Variants in GPRIN3 observed in about 807,000 individuals in gnomAD.
GPRIN3 encodes the protein GPRIN family member 3.
In GPRIN3, 12 loss-of-function variants were observed where a neutral mutation model predicts 13.7. The observed-to-expected ratio is 0.87, with a 90% confidence interval of 0.56 to 1.42. GPRIN3 has a LOEUF of 1.42. Ranked by LOEUF, GPRIN3 falls within the 40% of genes most tolerant of loss-of-function variation. GPRIN3 has a pLI of 0.00. For missense variants in GPRIN3, 1,009 were observed against 958.7 expected (o/e 1.05, Z -0.69); for synonymous variants, 377 against 372.7 (o/e 1.01, Z -0.13).
At chr4:89,286,312 A>T (rs566207289) in intron 1 of GPRIN3, among the ~76,000 whole-genome samples, 1 of 152,266 alleles carries the variant, frequency 6.6e-6, no homozygotes, top group Non-Finnish European at 1.5e-5. Flanking sequence ...TACAGATGGT[A>T]TCAGGTGGAT....
chr4:89,251,863 G>C (rs1022706175), intron 1 of GPRIN3, among the ~76,000 whole-genome samples: 2 of 152,114 alleles, frequency 1.3e-5, no homozygotes, highest in Admixed American at 1.3e-4. Flanking sequence ...GATAAGTTGG[G>C]GACAGAGAGG....
intron 1 of GPRIN3, among the ~76,000 whole-genome samples, chr4:89,278,412 T>A (rs1424983605): frequency 6.6e-6 from 1 of 152,226 alleles, no homozygotes. Flanking sequence ...CATATTTAAA[T>A]TCTCCTTCTT....
Position 89,246,790 on chromosome 4 carries a change from T to C in GPRIN3, c.*990A>G, listed in dbSNP as rs1341075897. 6.6e-6 allele frequency: 1 copy of C among 152,180 alleles called. No homozygotes were observed. Among genetic ancestry groups the C allele is most frequent in the East Asian group, 1.9e-4 (1 of 5,196 alleles). 9.4% of individuals were successfully genotyped at this position (152,180 alleles called of 1,614,324 possible). A position where few individuals can be genotyped will look rare whatever the true frequency, so the allele number is the denominator to read the frequency against. On this transcript the variant is annotated 3_prime_UTR_variant, in exon 2 of 2. Coordinates refer to ENST00000609438, the MANE Select transcript of GPRIN3 (RefSeq NM_198281.3). ...TGTTTACAGGAGTCTAAATTAAACA[T>C]TGTTTTTGTTACTTATGAGGCTTTT...
chr4:89,275,946 T>G (rs947794782), intron 1 of GPRIN3, among the ~76,000 whole-genome samples: 1 of 152,204 alleles, frequency 6.6e-6, no homozygotes, highest in African/African-American at 2.4e-5. Flanking sequence ...TAATGAATAA[T>G]GCCTACAATT....
At chr4:89,284,788 T>G (rs1266603437) in intron 1 of GPRIN3, among the ~76,000 whole-genome samples, 2 of 152,158 alleles carry the variant, frequency 1.3e-5, no homozygotes, top group Non-Finnish European at 2.9e-5. Context: ...CTGCCTTAAT[T>G]ATTCTTGGAC....
intron 1 of GPRIN3, among the ~76,000 whole-genome samples, chr4:89,253,450 G>T (rs1013567919): frequency 6.6e-6 from 1 of 152,174 alleles, no homozygotes; most frequent in Non-Finnish European, 1.5e-5. Flanking sequence ...CACCTGCTAC[G>T]AAAAGTTGGA....
chr4:89,268,165 T>C (rs1723833790), intron 1 of GPRIN3, among the ~76,000 whole-genome samples: 1 of 152,044 alleles, frequency 6.6e-6, no homozygotes, highest in Non-Finnish European at 1.5e-5. Flanking sequence ...AAAAAAGAAG[T>C]AGTTTTAAAG....
rs544104952 is a variant in GPRIN3, at chr4:89,286,812, G to C, written c.-124+20803C>G. 2.0e-4 allele frequency among the ~76,000 whole-genome samples: 30 copies of C among 152,254 alleles called. No individual in the cohort carries two copies. The South Asian group carries it at 6.2e-3, about 32-fold the overall frequency. On this transcript the variant is annotated intron_variant, in intron 1 of 1. Transcript: ENST00000609438. ...GAAGGTAGTACTCCCAAAGTACTTA[G>C]AAAGCAAATTATTTTTGAATTCTAC...
At chr4:89,301,127 G>A (rs575585845) in intron 1 of GPRIN3, among the ~76,000 whole-genome samples, 1 of 152,140 alleles carries the variant, frequency 6.6e-6, no homozygotes, top group South Asian at 2.1e-4. Flanking sequence ...ACCATGCTTT[G>A]AGTGGATTGA....
chr4:89,274,627 G>T (rs1724044698), intron 1 of GPRIN3, among the ~76,000 whole-genome samples: 1 of 152,196 alleles, frequency 6.6e-6, no homozygotes, highest in African/African-American at 2.4e-5. Flanking sequence ...AGAAGACACA[G>T]ACTTGATTTT....
Position 89,270,167 on chromosome 4 carries a change from G to A in GPRIN3, c.-123-19934C>T, listed in dbSNP as rs971755687. On this transcript the variant is annotated intron_variant, in intron 1 of 1. Coordinates refer to ENST00000609438, the MANE Select transcript of GPRIN3 (RefSeq NM_198281.3). ...ATTTATTCACCATAAAAGGGCAAAA[G>A]GAACAGGAGAAATAAAAATATAAAG... Among the ~76,000 whole-genome samples the A allele has an allele frequency of 2.6e-5, 4 of 152,172 alleles. No homozygotes were observed. In the East Asian group the frequency reaches 7.7e-4, roughly 29 times the overall value.
Position 89,259,569 on chromosome 4 carries a change from C to G in GPRIN3, c.-123-9336G>C, listed in dbSNP as rs986605247. On this transcript the variant is annotated intron_variant, in intron 1 of 1. Coordinates refer to ENST00000609438, the MANE Select transcript of GPRIN3 (RefSeq NM_198281.3). The stretch of plus-strand genomic sequence containing the variant: ...GATATGATCAAAGCTGCTCTGCATC[C>G]CAATTTTCTACAGGATATATTTAGC... Among the ~76,000 whole-genome samples the G allele has an allele frequency of 1.5e-4, 23 of 152,264 alleles. 1 individual carries two copies. The Middle Eastern group carries it at 0.02, about 135-fold the overall frequency.
rs553098805 is a variant in GPRIN3 at position 89,253,652 on chromosome 4, T to C, written c.-123-3419A>G. Among the ~76,000 whole-genome samples, 57 of 152,354 alleles carry C rather than the reference T, an allele frequency of 3.7e-4. 2 individuals carry two copies. In the South Asian group the frequency reaches 0.011, roughly 30 times the overall value. On this transcript the variant is annotated intron_variant, in intron 1 of 1. Coordinates refer to ENST00000609438, the MANE Select transcript of GPRIN3 (RefSeq NM_198281.3). ...TGTGTTTACTTCCATTTCCAACACATAGCTAACTTTTAGTTTAACTTTGAA... is the reference window on the plus strand; with the variant it reads ...TGTGTTTACTTCCATTTCCAACACACAGCTAACTTTTAGTTTAACTTTGAA...
intron 1 of GPRIN3, among the ~76,000 whole-genome samples, chr4:89,269,598 A>C (rs1723873242): frequency 6.6e-6 from 1 of 152,202 alleles, no homozygotes; most frequent in Non-Finnish European, 1.5e-5. Context: ...AGAGATGATT[A>C]TATCTAACTG....
intron 1 of GPRIN3, among the ~76,000 whole-genome samples, chr4:89,251,817 G>C (rs1469943435): frequency 6.6e-6 from 1 of 152,144 alleles, no homozygotes; most frequent in African/African-American, 2.4e-5. Flanking sequence ...AAAACATTTG[G>C]AATGAGACAT....
chr4:89,279,612 C>A (rs979643629), intron 1 of GPRIN3, among the ~76,000 whole-genome samples: 2 of 152,206 alleles, frequency 1.3e-5, no homozygotes, highest in African/African-American at 4.8e-5. Flanking sequence ...TTGCTCAAGC[C>A]ACAAATCACT....
Position 89,237,624 on chromosome 4 carries a change from CA to C in GPRIN3, c.*10155del, listed in dbSNP as rs1722818912. 6.6e-6 allele frequency: 1 copy of C among 152,278 alleles called. No individual in the cohort carries two copies. The highest frequency in any genetic ancestry group is 2.1e-4 in the South Asian group (1 of 4,820). 9.4% of individuals were successfully genotyped at this position (152,278 alleles called of 1,614,324 possible). On this transcript the variant is annotated 3_prime_UTR_variant, in exon 2 of 2. Transcript: ENST00000609438. ...AAATTGGCCTTGATTTTGGGGTTCC[CA>C]GCTTCCAAAACTGTAAGAAATAAAT...
chr4:89,257,842 C>T (rs141019348), intron 1 of GPRIN3, among the ~76,000 whole-genome samples: 117 of 152,140 alleles, frequency 7.7e-4, no homozygotes, highest in Middle Eastern at 3.4e-3. Context: ...TAATAAAGGT[C>T]AATTGGGCAA....
At chr4:89,261,505 A>C (rs898014688) in intron 1 of GPRIN3, among the ~76,000 whole-genome samples, 5 of 152,184 alleles carry the variant, frequency 3.3e-5, no homozygotes, top group African/African-American at 1.2e-4. Flanking sequence ...TCTCAAGTCA[A>C]AGAGAGCACT....
Sources: allele counts gnomAD v4.1 joint callset (sites outside exome capture counted in the v4.1 genomes callset), GRCh38; gene constraint gnomAD v4.1.1; transcripts MANE v1.5; gene names NCBI Gene and HGNC (gene_info 2026-07-23, HGNC 2026-07-21).